AGBL4: variants seen among roughly 807,000 people sequenced by gnomAD.
The protein encoded by AGBL4 is AGBL carboxypeptidase 4, also known as cytosolic carboxypeptidase 6.
A neutral mutation model predicts 66.4 loss-of-function variants in AGBL4; 58 were observed. The observed-to-expected ratio is 0.87, with a 90% CI of 0.71 to 1.09. The LOEUF (loss-of-function observed/expected upper bound fraction) is 1.09. AGBL4 is among the 50% of genes least tolerant of loss of function. AGBL4 has a pLI of 0.00. For missense variants in AGBL4, 579 were observed against 631.0 expected, an observed-to-expected ratio of 0.92 and a Z score of 0.88; for synonymous variants, 234 against 222.9, an observed-to-expected ratio of 1.05 and a Z score of -0.44.
At chr1:49,815,736 T>C (rs994219946) in intron 2 of AGBL4, among the ~76,000 whole-genome samples, 13 of 152,318 alleles carry the variant, frequency 8.5e-5, no homozygotes, top group African/African-American at 2.6e-4. Flanking sequence ...TATTTCATTA[T>C]AGTTTTGCTT....
At chr1:49,643,004 G>A (rs1350294171) in intron 3 of AGBL4, among the ~76,000 whole-genome samples, 1 of 151,972 alleles carries the variant, frequency 6.6e-6, no homozygotes, top group African/African-American at 2.4e-5. Context: ...ACTTAGAAAT[G>A]ATGCAGATGA....
chr1:48,824,529 G>C (rs1488468225), intron 6 of AGBL4, among the ~76,000 whole-genome samples: 1 of 152,176 alleles, frequency 6.6e-6, no homozygotes, highest in African/African-American at 2.4e-5. Flanking sequence ...GGCAGACAGA[G>C]GTCAGTCACA....
chr1:49,657,118 A>C (rs1421375082), intron 3 of AGBL4, among the ~76,000 whole-genome samples: 6 of 152,224 alleles, frequency 3.9e-5, no homozygotes, highest in Admixed American at 3.3e-4. Flanking sequence ...CCATCGTCTC[A>C]GACCAAAATC....
intron 2 of AGBL4, among the ~76,000 whole-genome samples, chr1:49,798,007 T>G (rs1644772295): frequency 6.6e-6 from 1 of 151,992 alleles, no homozygotes. Context: ...AGGTGATACA[T>G]CCAAAGTGCT....
chr1:49,868,632 C>T (rs61529456), intron 1 of AGBL4, among the ~76,000 whole-genome samples: 38 of 152,186 alleles, frequency 2.5e-4, no homozygotes, highest in African/African-American at 7.5e-4. Flanking sequence ...AAATGTAAAA[C>T]GCAAAAGTAT....
intron 2 of AGBL4, among the ~76,000 whole-genome samples, chr1:49,730,451 TG>T (rs1332332142): frequency 6.6e-6 from 1 of 152,018 alleles, no homozygotes; most frequent in Non-Finnish European, 1.5e-5. Context: ...GCCAGAACTA[TG>T]ACATGCCCCC....
chr1:48,732,430 A>C (rs1322981682), intron 6 of AGBL4, among the ~76,000 whole-genome samples: 1 of 152,250 alleles, frequency 6.6e-6, no homozygotes, highest in Non-Finnish European at 1.5e-5. Context: ...CAAGATGCTC[A>C]TAAAGTTTAA....
At chr1:48,686,178 T>G (rs1646528145) in intron 6 of AGBL4, among the ~76,000 whole-genome samples, 1 of 152,196 alleles carries the variant, frequency 6.6e-6, no homozygotes, top group South Asian at 2.1e-4. Flanking sequence ...CTTCATATCT[T>G]AGCTTAGTTA....
chr1:49,399,488 A>G (rs1645039548), intron 3 of AGBL4, among the ~76,000 whole-genome samples: 1 of 152,136 alleles, frequency 6.6e-6, no homozygotes, highest in Non-Finnish European at 1.5e-5. Context: ...CCTTTTCTCT[A>G]CATCCTCACC....
chr1:49,806,002 T>A (rs1056156843), intron 2 of AGBL4, among the ~76,000 whole-genome samples: 16 of 152,318 alleles, frequency 1.1e-4, no homozygotes, highest in African/African-American at 3.4e-4. Context: ...GATAATCAGG[T>A]ACTGCTATAA....
At chr1:49,884,701 T>A (rs1285229238) in intron 1 of AGBL4, among the ~76,000 whole-genome samples, 2 of 151,822 alleles carry the variant, frequency 1.3e-5, no homozygotes, top group African/African-American at 4.8e-5. Context: ...GTGGCTTATC[T>A]TTACAGAAGT....
chr1:48,755,095 G>A (rs1271545130), intron 6 of AGBL4, among the ~76,000 whole-genome samples: 4 of 152,308 alleles, frequency 2.6e-5, no homozygotes, highest in East Asian at 1.9e-4. Flanking sequence ...AGACGTGTAC[G>A]ATTCAGTGAA....
rs113379412 is a variant in AGBL4 at position 50,023,700 on chromosome 1, T to C, written c.34+63A>G. 5.1e-4 allele frequency: 772 copies of C among 1,517,558 alleles called. 9 individuals are homozygous for C. In the African/African-American group the frequency reaches 9.6e-3, roughly 19 times the overall value. 94.0% of individuals were successfully genotyped at this position (1,517,558 alleles called of 1,614,324 possible). On this transcript the variant is annotated intron_variant, in intron 1 of 13. Coordinates refer to ENST00000371839, the MANE Select transcript of AGBL4 (RefSeq NM_032785.4). ...AGTAGGACCATGCCCGAGTCCCCTG[T>C]TGCCTGAGACCCAGGACAGCCTGGC... is the stretch of plus-strand genomic sequence containing the variant.
chr1:48,959,378 T>C (rs1480263740), intron 5 of AGBL4, among the ~76,000 whole-genome samples: 1 of 152,220 alleles, frequency 6.6e-6, no homozygotes, highest in African/African-American at 2.4e-5. Context: ...TATTTAATAA[T>C]TAATCCAGCA....
intron 3 of AGBL4, among the ~76,000 whole-genome samples, chr1:49,379,439 G>A (rs1290449014): frequency 2.0e-5 from 3 of 152,142 alleles, no homozygotes. Context: ...GGATAACACT[G>A]CTGCATCTTT....
intron 3 of AGBL4, among the ~76,000 whole-genome samples, chr1:49,605,515 G>T (rs1645047732): frequency 6.6e-6 from 1 of 151,992 alleles, no homozygotes; most frequent in Admixed American, 6.6e-5. Flanking sequence ...AAGACTAAAT[G>T]GTGGTATAAA....
chr1:48,837,709 CACTATATATA>C (rs1411078344), intron 6 of AGBL4, among the ~76,000 whole-genome samples: 4 of 75,064 alleles, frequency 5.3e-5, no homozygotes, highest in African/African-American at 1.6e-4. Flanking sequence ...CACACACACA[CACTATATATA>C]TATATATATA....
chr1:49,381,739 C>T (rs1036595810), intron 3 of AGBL4, among the ~76,000 whole-genome samples: 9 of 151,066 alleles, frequency 6.0e-5, no homozygotes, highest in South Asian at 2.1e-4. Flanking sequence ...AGTAAACTAT[C>T]GCAAGGACAA....
chr1:49,970,974 T>A (rs1380863983), intron 1 of AGBL4, among the ~76,000 whole-genome samples: 1 of 152,166 alleles, frequency 6.6e-6, no homozygotes. Context: ...GCCTTTTATC[T>A]CCTTGTCCTG....
Sources: allele counts gnomAD v4.1 joint callset (sites outside exome capture counted in the v4.1 genomes callset), GRCh38; gene constraint gnomAD v4.1.1; transcripts MANE v1.5; gene names NCBI Gene and HGNC (gene_info 2026-07-23, HGNC 2026-07-21).